The following SOX9 variants were observed in gnomAD, a reference collection of about 807,000 sequenced individuals.
SOX9 encodes the protein SRY-box transcription factor 9, also known as transcription factor SOX-9.
A neutral mutation model predicts 44.8 loss-of-function variants in SOX9; 2 were observed. The observed-to-expected ratio is 0.04, with a 90% CI of 0.02 to 0.14. SOX9 has a LOEUF of 0.14. Among genes scored for constraint, SOX9 ranks in the 10% least tolerant of loss-of-function variants. SOX9 has a pLI of 1.00. For missense variants in SOX9, 583 were observed against 728.6 expected (o/e 0.80, Z 2.30); for synonymous variants, 381 against 331.8 (o/e 1.15, Z -1.61).
Position 72,121,831 on chromosome 17 carries a change from C to T in SOX9, c.431+9C>T, listed in dbSNP as rs1194331935. On this transcript the variant is annotated intron_variant, in intron 1 of 2. Transcript: ENST00000245479. This position sits in a 1 kb window ranked among gnomAD's most constrained non-coding sequence, Gnocchi z 8.3. ...CTGGGCAAGCTCTGGAGGTAGGACC[C>T]GGCGGGGGCGGCGCGGCAGGGTGGG... is the stretch of plus-strand genomic sequence containing the variant. 1.3e-6 allele frequency: 2 copies of T among 1,548,020 alleles called. No individual in the cohort carries two copies. The highest frequency in any genetic ancestry group is 1.4e-5 in the African/African-American group (1 of 73,472).
rs146463314 is a variant in SOX9, at chr17:72,122,791, C to T, written c.504C>T (p.Asp168=). The part of the protein sequence containing the change: ...AERLRVQHKK[D]HPDYKYQPRR... ...GGCTGCGCGTGCAGCACAAGAAGGA[C>T]CACCCGGATTACAAGTACCAGCCGC... Residue 168 remains aspartate (D), a synonymous_variant, in exon 2 of 3, where the codon GAC becomes GAT. Transcript: ENST00000245479. The T allele has an allele frequency of 3.3e-5, 53 of 1,613,996 alleles. No homozygotes were observed. In the African/African-American group the frequency reaches 6.1e-4, roughly 19 times the overall value.
At position 72,123,659 on chromosome 17, in the gene SOX9, A is replaced by G. The variant is rs757709630; in HGVS notation, c.802A>G (p.Ile268Val). ...GCCAGAGGGGGGCAGACAGCCCCCT[A>G]TCGACTTCCGCGACGTGGACATCGG... The part of the protein sequence containing the change: ...PLPEGGRQPP[I>V]DFRDVDIGEL... The change falls in exon 3 of 3, where the codon ATC (isoleucine) becomes GTC (valine). Residue 268 changes from isoleucine (I) to valine (V), a missense_variant. By Grantham distance (29) the Ile-to-Val change is conservative. This residue lies in a region of SOX9 where 349 missense variants were observed against 387.0 expected (regional missense o/e 0.90). Coordinates refer to ENST00000245479, the MANE Select transcript of SOX9 (RefSeq NM_000346.4). The surrounding 1 kb of genome is among the most constrained non-coding windows in gnomAD (Gnocchi z 6.5). 6.2e-7 allele frequency: 1 copy of G among 1,613,754 alleles called. No homozygotes were observed. Among genetic ancestry groups the G allele is most frequent in the Non-Finnish European group, 8.5e-7 (1 of 1,179,968 alleles).
chr17:72,123,104 C>T lies in SOX9; in HGVS notation c.685+132C>T. On this transcript the variant is annotated intron_variant, in intron 2 of 2. Transcript: ENST00000245479. The surrounding 1 kb of genome is among the most constrained non-coding windows in gnomAD (Gnocchi z 6.5). ...GGGACACACTGCCCTTTGCGCCCGT[C>T]CCGCTCCCCTCTCTACCCAGAGCCT... 3 of 1,106,220 alleles carry T rather than the reference C, an allele frequency of 2.7e-6. No homozygotes were observed. The highest frequency in any genetic ancestry group is 3.9e-6 in the Non-Finnish European group (3 of 763,300). The allele number at this position is 1,106,220 out of a possible 1,614,324, so 68.5% of individuals were successfully genotyped here. A position where few individuals can be genotyped will look rare whatever the true frequency, so the allele number is the denominator to read the frequency against.
chr17:72,122,899 C>T lies in SOX9; in HGVS notation c.612C>T (p.Phe204=), dbSNP rs1186451968. Residue 204 remains phenylalanine (F), a synonymous_variant, in exon 2 of 3, where the codon TTC becomes TTT. Coordinates refer to ENST00000245479, the MANE Select transcript of SOX9 (RefSeq NM_000346.4). ...CGCACATCTCCCCCAACGCCATCTT[C>T]AAGGCGCTGCAGGCCGACTCGCCAC... ...EQTHISPNAI[F]KALQADSPHS... The T allele has an allele frequency of 2.5e-6, 4 of 1,614,158 alleles. No individual in the cohort carries two copies. The highest frequency in any genetic ancestry group is 2.2e-5 in the East Asian group (1 of 44,870).
rs372746772 is a variant in SOX9 at position 72,123,015 on chromosome 17, C to G, written c.685+43C>G. On this transcript the variant is annotated intron_variant, in intron 2 of 2. Transcript: ENST00000245479. This position sits in a 1 kb window ranked among gnomAD's most constrained non-coding sequence, Gnocchi z 6.5. ...CCCACCGGACAAGCTATCTCCGTCC[C>G]GCCTGGCACACCCCCTGCCCTCCGC... 6.2e-7 allele frequency: 1 copy of G among 1,604,734 alleles called. No individual in the cohort carries two copies. Among genetic ancestry groups the G allele is most frequent in the South Asian group, 1.1e-5 (1 of 90,994 alleles).
At position 72,125,443 on chromosome 17, in the gene SOX9, C is replaced by G; in HGVS notation, c.*1056C>G. On this transcript the variant is annotated 3_prime_UTR_variant, in exon 3 of 3. Coordinates refer to ENST00000245479, the MANE Select transcript of SOX9 (RefSeq NM_000346.4). Reference sequence around the variant, plus strand: ...CCCATGTGGAAGGCAGATGCCTGCTCGCTCTGTCACCTGTGCCTCTCAGAA... The same window carrying G: ...CCCATGTGGAAGGCAGATGCCTGCTGGCTCTGTCACCTGTGCCTCTCAGAA... The G allele has an allele frequency of 4.3e-6, 1 of 229,988 alleles. No homozygotes were observed. The highest frequency in any genetic ancestry group is 8.6e-6 in the Non-Finnish European group (1 of 116,028). 14.2% of individuals were successfully genotyped at this position (229,988 alleles called of 1,614,324 possible).
Position 72,124,066 on chromosome 17 carries a change from C to T in SOX9, c.1209C>T (p.Ser403=), listed in dbSNP as rs1449895760. 1.2e-6 allele frequency: 2 copies of T among 1,613,336 alleles called. No homozygotes were observed. Among genetic ancestry groups the T allele is most frequent in the Non-Finnish European group, 8.5e-7 (1 of 1,179,758 alleles). Residue 403 remains serine (S), a synonymous_variant, in exon 3 of 3, where the codon AGC becomes AGT. Coordinates refer to ENST00000245479, the MANE Select transcript of SOX9 (RefSeq NM_000346.4). This position sits in a 1 kb window ranked among gnomAD's most constrained non-coding sequence, Gnocchi z 4.6. The part of the protein sequence containing the change: ...QRTHIKTEQL[S]PSHYSEQQQH... The stretch of plus-strand genomic sequence containing the variant: ...CGCACATCAAGACGGAGCAGCTGAG[C>T]CCCAGCCACTACAGCGAGCAGCAGC...
chr17:72,122,594 A>T, intron 1 of SOX9, 125 bp from the exon 2 acceptor site: 1 of 762,620 alleles, frequency 1.3e-6, no homozygotes. Flanking sequence ...GGGAAGATGG[A>T]GTTGTGTGCA....
Position 72,125,252 on chromosome 17 carries a change from C to T in SOX9, c.*865C>T, listed in dbSNP as rs934575644. 4.4e-6 allele frequency: 1 copy of T among 228,820 alleles called. No individual in the cohort carries two copies. Among genetic ancestry groups the T allele is most frequent in the Non-Finnish European group, 8.7e-6 (1 of 115,192 alleles). The allele number at this position is 228,820 out of a possible 1,614,324, so 14.2% of individuals were successfully genotyped here. A position where few individuals can be genotyped will look rare whatever the true frequency, so the allele number is the denominator to read the frequency against. On this transcript the variant is annotated 3_prime_UTR_variant, in exon 3 of 3. Transcript: ENST00000245479. ...CACCTTGAGCCTTAAAACGGTGCTGCTGGGAAACATTTGCACTCTTTTAGT... is the reference window on the plus strand; with the variant it reads ...CACCTTGAGCCTTAAAACGGTGCTGTTGGGAAACATTTGCACTCTTTTAGT...
At position 72,121,838 on chromosome 17, in the gene SOX9, G is replaced by C; in HGVS notation, c.431+16G>C. 6.5e-7 allele frequency: 1 copy of C among 1,543,484 alleles called. No individual in the cohort carries two copies. The highest frequency in any genetic ancestry group is 8.7e-7 in the Non-Finnish European group (1 of 1,144,426). On this transcript the variant is annotated intron_variant, in intron 1 of 2. Transcript: ENST00000245479. This position sits in a 1 kb window ranked among gnomAD's most constrained non-coding sequence, Gnocchi z 8.3. Reference sequence around the variant, plus strand: ...AGCTCTGGAGGTAGGACCCGGCGGGGGCGGCGCGGCAGGGTGGGCATCGCG... The same window carrying C: ...AGCTCTGGAGGTAGGACCCGGCGGGCGCGGCGCGGCAGGGTGGGCATCGCG...
Position 72,123,489 on chromosome 17 carries a change from G to C in SOX9, c.686-54G>C, listed in dbSNP as rs1169271051. The C allele has an allele frequency of 3.1e-6, 5 of 1,612,346 alleles. No homozygotes were observed. In the Admixed American group the frequency reaches 6.7e-5, roughly 21 times the overall value. On this transcript the variant is annotated intron_variant, in intron 2 of 2. Coordinates refer to ENST00000245479, the MANE Select transcript of SOX9 (RefSeq NM_000346.4). This position sits in a 1 kb window ranked among gnomAD's most constrained non-coding sequence, Gnocchi z 6.5. ...TCCCCGGAGGGTGCCTAAGACTAGG[G>C]CGTCTGCACAGCCCTTGTTGATTTT...
In SOX9 at chr17:72,121,052, G is replaced by T. The variant is rs1451268722; in HGVS notation, c.-340G>T. 9.3e-6 allele frequency: 5 copies of T among 536,736 alleles called. No individual in the cohort carries two copies. The East Asian group carries it at 1.6e-4, about 17-fold the overall frequency. 33.2% of individuals were successfully genotyped at this position (536,736 alleles called of 1,614,324 possible). A position where few individuals can be genotyped will look rare whatever the true frequency, so the allele number is the denominator to read the frequency against. ...CGAAAGCGGAGCTCGAAACTGACTG[G>T]AAACTTCAGTGGCGCGGAGACTCGC... On this transcript the variant is annotated 5_prime_UTR_variant, in exon 1 of 3. Transcript: ENST00000245479. This position sits in a 1 kb window ranked among gnomAD's most constrained non-coding sequence, Gnocchi z 8.3.
Position 72,121,953 on chromosome 17 carries a change from TG to T in SOX9, c.431+134del. ...GTTCCGGGAGCCGGCGGGATGGGGT[TG>T]GGAGTGGGAATGGGGTGTAACTGTG... On this transcript the variant is annotated intron_variant, in intron 1 of 2. Transcript: ENST00000245479. This position sits in a 1 kb window ranked among gnomAD's most constrained non-coding sequence, Gnocchi z 8.3. The T allele has an allele frequency of 8.7e-7, 1 of 1,150,036 alleles. No individual in the cohort carries two copies. Among genetic ancestry groups the T allele is most frequent in the East Asian group, 2.6e-5 (1 of 38,604 alleles). The allele number at this position is 1,150,036 out of a possible 1,614,324, so 71.2% of individuals were successfully genotyped here. A position where few individuals can be genotyped will look rare whatever the true frequency, so the allele number is the denominator to read the frequency against.
Position 72,123,850 on chromosome 17 carries a change from G to T in SOX9, c.993G>T (p.Ala331=), listed in dbSNP as rs761105285. 2 of 1,591,282 alleles carry T rather than the reference G, an allele frequency of 1.3e-6. No individual in the cohort carries two copies. The highest frequency in any genetic ancestry group is 2.3e-5 in the East Asian group (1 of 43,820). Residue 331 remains alanine, a synonymous_variant, in exon 3 of 3, where the codon GCG becomes GCT. Coordinates refer to ENST00000245479, the MANE Select transcript of SOX9 (RefSeq NM_000346.4). The surrounding 1 kb of genome is among the most constrained non-coding windows in gnomAD (Gnocchi z 6.5). ...ISSTAATPAS[A]GHVWMSKQQA... is the part of the protein sequence containing the mutation. ...GCACCGCGGCCACCCCGGCGAGCGC[G>T]GGCCACGTGTGGATGTCCAAGCAGC...
intron 1 of SOX9, 96 bp from the exon 2 acceptor site, chr17:72,122,622 TG>T: frequency 8.3e-7 from 1 of 1,208,128 alleles, no homozygotes; most frequent in Non-Finnish European, 1.2e-6. Context: ...CCGAGTGGTC[TG>T]GGTCGCCGCC....
intron 1 of SOX9, 23 bp from the exon 2 acceptor site, chr17:72,122,696 G>GCCCCC: frequency 6.2e-7 from 1 of 1,610,424 alleles, no homozygotes; most frequent in Non-Finnish European, 8.5e-7. Context: ...TTTTCTCTGT[G>GCCCCC]CCCCCCGCCC....
chr17:72,123,697 C>T lies in SOX9; in HGVS notation c.840C>T (p.Ser280=), dbSNP rs1908182833. ...FRDVDIGELS[S]DVISNIETFD... Reference sequence around the variant, plus strand: ...ACGTGGACATCGGCGAGCTGAGCAGCGACGTCATCTCCAACATCGAGACCT... The same window carrying T: ...ACGTGGACATCGGCGAGCTGAGCAGTGACGTCATCTCCAACATCGAGACCT... The change falls in exon 3 of 3, where the codon AGC becomes AGT. Residue 280 remains serine, a synonymous_variant. Coordinates refer to ENST00000245479, the MANE Select transcript of SOX9 (RefSeq NM_000346.4). This position sits in a 1 kb window ranked among gnomAD's most constrained non-coding sequence, Gnocchi z 6.5. 1 of 1,614,070 alleles carries T rather than the reference C, an allele frequency of 6.2e-7. No homozygotes were observed. Among genetic ancestry groups the T allele is most frequent in the Non-Finnish European group, 8.5e-7 (1 of 1,179,984 alleles).
chr17:72,121,021 G>C lies in SOX9; in HGVS notation c.-371G>C, dbSNP rs912804544. 1.9e-5 allele frequency: 10 copies of C among 521,464 alleles called. No individual in the cohort carries two copies. The highest frequency in any genetic ancestry group is 2.7e-5 in the Non-Finnish European group (8 of 300,946). The allele number at this position is 521,464 out of a possible 1,614,324, so 32.3% of individuals were successfully genotyped here. ...TAAAGAGACCCTGGGCTGGGAGTTGGAGAGCCGAAAGCGGAGCTCGAAACT... is the reference window on the plus strand; with the variant it reads ...TAAAGAGACCCTGGGCTGGGAGTTGCAGAGCCGAAAGCGGAGCTCGAAACT... On this transcript the variant is annotated 5_prime_UTR_variant, in exon 1 of 3. Transcript: ENST00000245479. The surrounding 1 kb of genome is among the most constrained non-coding windows in gnomAD (Gnocchi z 8.3).
Position 72,123,882 on chromosome 17 carries a change from C to T in SOX9, c.1025C>T (p.Pro342Leu), listed in dbSNP as rs1182134893. 1.3e-6 allele frequency: 2 copies of T among 1,501,602 alleles called. No individual in the cohort carries two copies. Among genetic ancestry groups the T allele is most frequent in the Non-Finnish European group, 1.8e-6 (2 of 1,126,700 alleles). 93.0% of individuals were successfully genotyped at this position (1,501,602 alleles called of 1,614,324 possible). A position where few individuals can be genotyped will look rare whatever the true frequency, so the allele number is the denominator to read the frequency against. The change falls in exon 3 of 3, where the codon CCG (proline) becomes CTG (leucine). Residue 342 changes from proline to leucine, a missense_variant. Pro to Leu is a moderately conservative substitution (Grantham distance 98, BLOSUM62 -3). Coordinates refer to ENST00000245479, the MANE Select transcript of SOX9 (RefSeq NM_000346.4). This position sits in a 1 kb window ranked among gnomAD's most constrained non-coding sequence, Gnocchi z 6.5. ...GHVWMSKQQA[P>L]PPPPQQPPQA... ...GTGTGGATGTCCAAGCAGCAGGCGC[C>T]GCCGCCACCCCCGCAGCAGCCCCCA...
Sources: allele counts gnomAD v4.1 joint callset, GRCh38; gene constraint gnomAD v4.1.1; regional missense constraint gnomAD v4.1.1; non-coding constraint Gnocchi (gnomAD v3.1); transcripts MANE v1.5; gene names NCBI Gene and HGNC (gene_info 2026-07-23, HGNC 2026-07-21).